The following PEAK1 variants were observed in gnomAD, a reference collection of about 807,000 sequenced individuals.
The protein encoded by PEAK1 is inactive tyrosine-protein kinase PEAK1.
PEAK1 carries 54 observed loss-of-function variants against 124.7 expected under a neutral mutation model. That is an observed-to-expected ratio of 0.43 (90% CI 0.35 to 0.54). The LOEUF is 0.54. Ranked by LOEUF, PEAK1 falls within the 20% of genes least tolerant of loss-of-function variation. The pLI is 0.01. For synonymous variants in PEAK1, 719 were observed against 760.0 expected (o/e 0.95, Z 0.89); for missense variants, 2,046 against 2,134.5 (o/e 0.96, Z 0.82).
In PEAK1 at chr15:77,377,932, T is replaced by C. The variant is rs564805350; in HGVS notation, c.-665-12707A>G. Among the ~76,000 whole-genome samples the C allele has an allele frequency of 5.3e-5, 8 of 152,258 alleles. No individual in the cohort carries two copies. The East Asian group carries it at 1.3e-3, about 26-fold the overall frequency. ...AAATCACCTTAGAGCCCAACTCCTT[T>C]ACTTCACCTAATAAAACTTACTGAG... On this transcript the variant is annotated intron_variant, in intron 1 of 9. Coordinates refer to ENST00000682557, the MANE Select transcript of PEAK1 (RefSeq NM_001385026.1).
chr15:77,146,861 TA>T (rs1448757329), intron 8 of PEAK1, among the ~76,000 whole-genome samples: 1 of 152,200 alleles, frequency 6.6e-6, no homozygotes, highest in East Asian at 1.9e-4. Context: ...CTGGCATTTA[TA>T]ACAACATTAT....
intron 2 of PEAK1, chr15:77,351,956 C>T: frequency 1.0e-6 from 1 of 984,878 alleles, no homozygotes; most frequent in Non-Finnish European, 1.2e-6. Flanking sequence ...TGTGGTGGCT[C>T]ATGCCTATAA....
chr15:77,402,149 A>G lies in PEAK1; in HGVS notation c.-666+17857T>C, dbSNP rs540427524. ...GGGAGGCAGAGGTTGTAGTGAGCCAAGAGGGACACTCCACCTCGGAAAAAA... is the reference window on the plus strand; with the variant it reads ...GGGAGGCAGAGGTTGTAGTGAGCCAGGAGGGACACTCCACCTCGGAAAAAA... On this transcript the variant is annotated intron_variant, in intron 1 of 9. Transcript: ENST00000682557. The G allele has an allele frequency of 9.1e-5, 86 of 942,724 alleles. 1 individual carries two copies. Among genetic ancestry groups the G allele is most frequent in the Non-Finnish European group, 1.0e-4 (83 of 800,262 alleles). The allele number at this position is 942,724 out of a possible 1,614,324, so 58.4% of individuals were successfully genotyped here. A position where few individuals can be genotyped will look rare whatever the true frequency, so the allele number is the denominator to read the frequency against.
intron 6 of PEAK1, among the ~76,000 whole-genome samples, chr15:77,227,722 G>A (rs1458427433): frequency 6.6e-6 from 1 of 152,056 alleles, no homozygotes; most frequent in Non-Finnish European, 1.5e-5. Flanking sequence ...ATGAGGCTGG[G>A]CACAGTTGCT....
chr15:77,347,961 C>T, intron 2 of PEAK1: 1 of 985,114 alleles, frequency 1.0e-6, no homozygotes, highest in Non-Finnish European at 1.2e-6. Context: ...CCCAAACATA[C>T]TGTATAGGTT....
At chr15:77,345,799 C>G in intron 2 of PEAK1, 1 of 579,850 alleles carries the variant, frequency 1.7e-6, no homozygotes, top group Non-Finnish European at 2.2e-6. Flanking sequence ...ATCCCAATTA[C>G]CCTGATTTGA....
At chr15:77,342,156 TAA>T (rs34828008) in intron 2 of PEAK1, among the ~76,000 whole-genome samples, 75,424 of 140,154 alleles carry the variant, frequency 0.54, 20,682 homozygotes, top group Middle Eastern at 0.68. Context: ...TTCATTATGG[TAA>T]AAAAAAAAAA....
chr15:77,202,688 C>T (rs533670587), intron 6 of PEAK1, among the ~76,000 whole-genome samples: 4 of 151,314 alleles, frequency 2.6e-5, no homozygotes, highest in South Asian at 2.1e-4. Flanking sequence ...GAGAATGATG[C>T]GAACCCGGAG....
chr15:77,260,022 G>C (rs2061358280), intron 5 of PEAK1, among the ~76,000 whole-genome samples: 1 of 152,074 alleles, frequency 6.6e-6, no homozygotes, highest in South Asian at 2.1e-4. Flanking sequence ...TGAGACCAGA[G>C]AAAAACATCT....
At chr15:77,299,713 G>A (rs1252612100) in intron 2 of PEAK1, among the ~76,000 whole-genome samples, 3 of 152,140 alleles carry the variant, frequency 2.0e-5, no homozygotes, top group African/African-American at 7.2e-5. Flanking sequence ...TTTCAGTTAT[G>A]CATTTTTGAA....
intron 6 of PEAK1, among the ~76,000 whole-genome samples, chr15:77,203,750 T>C (rs1318527432): frequency 6.6e-6 from 1 of 152,000 alleles, no homozygotes; most frequent in African/African-American, 2.4e-5. Context: ...ACTATATCCT[T>C]CACAGAAATT....
At chr15:77,369,266 G>A (rs2068477920) in intron 1 of PEAK1, among the ~76,000 whole-genome samples, 1 of 152,160 alleles carries the variant, frequency 6.6e-6, no homozygotes, top group African/African-American at 2.4e-5. Context: ...ATAGCACTTA[G>A]AAAGACAGCA....
intron 1 of PEAK1, chr15:77,381,412 T>A: frequency 1.1e-6 from 1 of 897,506 alleles, no homozygotes; most frequent in Non-Finnish European, 1.3e-6. Flanking sequence ...GGCAACATAG[T>A]GAGACCCTGT....
At chr15:77,323,102 TC>T (rs1320540464) in intron 2 of PEAK1, among the ~76,000 whole-genome samples, 42 of 152,264 alleles carry the variant, frequency 2.8e-4, no homozygotes, top group African/African-American at 9.1e-4. Flanking sequence ...CTAAAAACTC[TC>T]AATAAATTAG....
Position 77,277,162 on chromosome 15 carries a change from C to G in PEAK1, c.-275+6721G>C, listed in dbSNP as rs542745964. ...ATATCAGCAATAAATAGGAATGATT[C>G]TTGACATCTCAACTTAGATGGATCT... On this transcript the variant is annotated intron_variant, in intron 5 of 9. Coordinates refer to ENST00000682557, the MANE Select transcript of PEAK1 (RefSeq NM_001385026.1). Among the ~76,000 whole-genome samples the G allele has an allele frequency of 2.0e-5, 3 of 152,134 alleles. No individual in the cohort carries two copies. The South Asian group carries it at 6.2e-4, about 32-fold the overall frequency.
chr15:77,390,492 T>C (rs2070364485), intron 1 of PEAK1, among the ~76,000 whole-genome samples: 1 of 152,192 alleles, frequency 6.6e-6, no homozygotes. Flanking sequence ...TCAACACACT[T>C]CCATGGGCAC....
intron 6 of PEAK1, among the ~76,000 whole-genome samples, chr15:77,248,355 TCAAA>T (rs2060690418): frequency 6.6e-6 from 1 of 152,196 alleles, no homozygotes; most frequent in African/African-American, 2.4e-5. Context: ...AAGAGCTATG[TCAAA>T]CAGATTTGTA....
At chr15:77,311,204 T>C (rs1008303663) in intron 2 of PEAK1, among the ~76,000 whole-genome samples, 3 of 152,206 alleles carry the variant, frequency 2.0e-5, no homozygotes, top group African/African-American at 7.2e-5. Flanking sequence ...ATATGATAAC[T>C]GCCAGAGTTA....
Position 77,267,872 on chromosome 15 carries a change from G to A in PEAK1, c.-274-15346C>T, listed in dbSNP as rs552528085. Among the ~76,000 whole-genome samples, 3 of 152,106 alleles carry A rather than the reference G, an allele frequency of 2.0e-5. No individual in the cohort carries two copies. In the East Asian group the frequency reaches 5.8e-4, roughly 29 times the overall value. On this transcript the variant is annotated intron_variant, in intron 5 of 9. Transcript: ENST00000682557. ...ATCCGAACCAGGAAAAAAAATCTCT[G>A]AATTGCCAGAAAAAGAATTCACAAA...
Sources: gnomAD v4.1 joint callset for allele counts (sites outside exome capture counted in the v4.1 genomes callset) on GRCh38, gnomAD v4.1.1 for gene constraint, MANE v1.5 for transcripts, NCBI Gene and HGNC (gene_info 2026-07-23, HGNC 2026-07-21) for gene names.